ALK: variants seen among roughly 807,000 people sequenced by gnomAD.
The protein encoded by ALK is ALK receptor tyrosine kinase.
Under a neutral mutation model 163.1 loss-of-function variants are expected in ALK, and 74 were observed. The observed-to-expected ratio is 0.45, with a 90% confidence interval of 0.38 to 0.55. The LOEUF is 0.55. Among genes scored for constraint, ALK ranks in the 20% least tolerant of loss-of-function variants. ALK has a pLI of 0.00. For synonymous variants in ALK, 960 were observed against 843.2 expected (o/e 1.14, Z -2.40); for missense variants, 2,063 against 2,105.3 (o/e 0.98, Z 0.39).
At chr2:29,455,703 G>T (rs1466126498) in intron 4 of ALK, among the ~76,000 whole-genome samples, 1 of 152,186 alleles carries the variant, frequency 6.6e-6, no homozygotes, top group African/African-American at 2.4e-5. Context: ...AAAACCACTT[G>T]ACTGACTAAG....
chr2:29,496,965 T>C (rs1380605341), intron 4 of ALK, among the ~76,000 whole-genome samples: 1 of 152,218 alleles, frequency 6.6e-6, no homozygotes, highest in East Asian at 1.9e-4. Context: ...GCACTATAGA[T>C]TCACCATCTT....
intron 5 of ALK, among the ~76,000 whole-genome samples, chr2:29,383,135 C>A (rs1285522549): frequency 6.6e-6 from 1 of 152,074 alleles, no homozygotes; most frequent in Non-Finnish European, 1.5e-5. Flanking sequence ...TTCTTGGGCC[C>A]CTGATCCTCT....
chr2:29,907,197 T>C (rs1207171431), intron 1 of ALK: 2 of 152,130 alleles, frequency 1.3e-5, no homozygotes, highest in African/African-American at 4.8e-5. Context: ...TGCACCTAGA[T>C]TGAATGGTTT....
chr2:29,701,588 T>C (rs895581130), intron 2 of ALK, among the ~76,000 whole-genome samples: 1 of 152,218 alleles, frequency 6.6e-6, no homozygotes, highest in Non-Finnish European at 1.5e-5. Context: ...GAAGTAAAGC[T>C]GGAGGTCTTA....
At chr2:29,691,989 A>G (rs1440474815) in intron 3 of ALK, among the ~76,000 whole-genome samples, 8 of 152,134 alleles carry the variant, frequency 5.3e-5, no homozygotes, top group Non-Finnish European at 2.9e-5. Context: ...ACCAAAAAAA[A>G]TGTTTCTAGA....
intron 1 of ALK, among the ~76,000 whole-genome samples, chr2:29,834,572 A>G (rs943544768): frequency 6.6e-6 from 1 of 152,222 alleles, no homozygotes; most frequent in African/African-American, 2.4e-5. Context: ...ATGCCAATAT[A>G]ATAGACATTT....
At chr2:29,532,311 A>C (rs1045931827) in intron 3 of ALK, among the ~76,000 whole-genome samples, 195 bp from the exon 4 acceptor site, 8 of 152,218 alleles carry the variant, frequency 5.3e-5, no homozygotes, top group Non-Finnish European at 1.0e-4. Flanking sequence ...ATGCAGGTGG[A>C]CAGTGGCTGG....
intron 11 of ALK, 49 bp from the exon 12 acceptor site, chr2:29,251,316 C>T (rs1191947001): frequency 6.4e-7 from 1 of 1,574,496 alleles, no homozygotes; most frequent in East Asian, 2.3e-5. Flanking sequence ...GGCCCTCCCT[C>T]CTCCAGGGGC....
chr2:29,888,586 T>C (rs1050271306), intron 1 of ALK, among the ~76,000 whole-genome samples: 2 of 152,172 alleles, frequency 1.3e-5, no homozygotes, highest in East Asian at 3.8e-4. Flanking sequence ...ACCAGTGGCA[T>C]TGAAATGCAC....
chr2:29,304,373 G>A (rs11886580), intron 8 of ALK, among the ~76,000 whole-genome samples: 20,720 of 151,894 alleles, frequency 0.14, 1,579 homozygotes, highest in Non-Finnish European at 0.17. Context: ...GCAGGTGCCT[G>A]TAGTCCCAGC....
intron 1 of ALK, among the ~76,000 whole-genome samples, chr2:29,827,445 T>C (rs1250356423): frequency 6.6e-6 from 1 of 152,214 alleles, no homozygotes; most frequent in East Asian, 1.9e-4. Flanking sequence ...CTTCTGAGCT[T>C]CTACCAAATG....
intron 3 of ALK, among the ~76,000 whole-genome samples, chr2:29,636,341 GAAA>G (rs1376367446): frequency 7.7e-3 from 32 of 4,146 alleles, no homozygotes; most frequent in Middle Eastern, 0.5. Flanking sequence ...AAGAAAGAAA[GAAA>G]AGAAAAGAAA....
Position 29,717,508 on chromosome 2 carries a change from T to TG in ALK, c.787+69dup, listed in dbSNP as rs955032712. 4.0e-5 allele frequency: 63 copies of TG among 1,589,844 alleles called. No homozygotes were observed. The Admixed American group carries it at 1.1e-3, about 27-fold the overall frequency. On this transcript the variant is annotated intron_variant, in intron 2 of 28. Coordinates refer to ENST00000389048, the MANE Select transcript of ALK (RefSeq NM_004304.5). ...CCCTGGAGCACTATGAATCCCAAAC[T>TG]GAAACTCACAGAGTCCTTATTATGA...
At chr2:29,833,335 AG>A (rs373565555) in intron 1 of ALK, among the ~76,000 whole-genome samples, 21 of 152,364 alleles carry the variant, frequency 1.4e-4, no homozygotes, top group African/African-American at 5.0e-4. Flanking sequence ...TCCAGGCAGC[AG>A]CCTCCGGGCT....
At chr2:29,420,468 G>C (rs192570905) in intron 4 of ALK, among the ~76,000 whole-genome samples, 2 of 151,580 alleles carry the variant, frequency 1.3e-5, no homozygotes, top group East Asian at 3.9e-4. Context: ...ATTCACATTT[G>C]AGGAACGCAT....
intron 1 of ALK, among the ~76,000 whole-genome samples, chr2:29,816,715 C>T (rs907039824): frequency 6.6e-6 from 1 of 152,188 alleles, no homozygotes; most frequent in African/African-American, 2.4e-5. Flanking sequence ...GCTCTGCGAC[C>T]TTGAGCAATT....
intron 3 of ALK, among the ~76,000 whole-genome samples, chr2:29,610,292 G>A (rs1675655940): frequency 6.6e-6 from 1 of 152,112 alleles, no homozygotes; most frequent in Non-Finnish European, 1.5e-5. Flanking sequence ...TTGGCTCAGT[G>A]GACAAATGAT....
chr2:29,734,308 T>G (rs1020193107), intron 1 of ALK, among the ~76,000 whole-genome samples: 1 of 152,212 alleles, frequency 6.6e-6, no homozygotes, highest in East Asian at 1.9e-4. Context: ...GGAGATTTCA[T>G]GTTGCCCTAA....
In ALK at chr2:29,845,883, A is replaced by G. The variant is rs116193377; in HGVS notation, c.667+74110T>C. 4.6e-3 allele frequency among the ~76,000 whole-genome samples: 700 copies of G among 152,318 alleles called. 4 individuals carry two copies. Among genetic ancestry groups the G allele is most frequent in the African/African-American group, 0.015 (605 of 41,574 alleles). ...CTGTGACTCTCCACAGCACTCTTAA[A>G]AAGTGTCTGTGCTCCAGTTCATGCC... On this transcript the variant is annotated intron_variant, in intron 1 of 28. Coordinates refer to ENST00000389048, the MANE Select transcript of ALK (RefSeq NM_004304.5).
Sources: gnomAD v4.1 joint callset for allele counts (sites outside exome capture counted in the v4.1 genomes callset) on GRCh38, gnomAD v4.1.1 for gene constraint, MANE v1.5 for transcripts, NCBI Gene and HGNC (gene_info 2026-07-23, HGNC 2026-07-21) for gene names.